TENM1: variants seen among roughly 807,000 people sequenced by gnomAD.
The protein encoded by TENM1 is teneurin-1.
Under a neutral mutation model 174.8 loss-of-function variants are expected in TENM1, and 35 were observed. The observed-to-expected ratio is 0.20, with a 90% CI of 0.15 to 0.27. The LOEUF is 0.27. Ranked by LOEUF, TENM1 falls within the 10% of genes least tolerant of loss-of-function variation. TENM1 has a pLI of 1.00. For synonymous variants in TENM1, 781 were observed against 798.7 expected (o/e 0.98, Z 0.37); for missense variants, 1,633 against 2,130.1 (o/e 0.77, Z 4.59).
chrX:124,790,986 A>G (rs1222713396), intron 3 of TENM1, among the ~76,000 whole-genome samples: 3 of 111,844 alleles, frequency 2.7e-5, no homozygotes, highest in African/African-American at 6.5e-5. Context: ...GTGACACGTT[A>G]AAGTGCTAAA....
At chrX:125,042,152 C>G in the TENM1 span, among the ~76,000 whole-genome samples, 1 of 111,185 alleles carries the variant, frequency 9.0e-6, no homozygotes, top group East Asian at 2.8e-4. Flanking sequence ...GAAAAAACTG[C>G]TTGAAAGTTG....
At chrX:124,761,463 T>G (rs1176122034) in intron 3 of TENM1, among the ~76,000 whole-genome samples, 1 of 101,719 alleles carries the variant, frequency 9.8e-6, no homozygotes, top group East Asian at 3.2e-4. Flanking sequence ...AAACACTGCA[T>G]GTTCTCACTC....
chrX:124,609,099 A>G (rs183911162), intron 11 of TENM1, among the ~76,000 whole-genome samples: 1 of 111,319 alleles, frequency 9.0e-6, no homozygotes, highest in Non-Finnish European at 1.9e-5. Flanking sequence ...CAACCATGAT[A>G]TAGGTGTAAA....
the TENM1 span, among the ~76,000 whole-genome samples, chrX:125,040,800 T>C: frequency 6.3e-5 from 7 of 111,141 alleles, no homozygotes; most frequent in South Asian, 2.3e-3. Context: ...AAGTCTGAGC[T>C]GAAGGAAAAA....
chrX:124,925,307 T>C (rs943506467), intron 1 of TENM1, among the ~76,000 whole-genome samples: 2 of 111,201 alleles, frequency 1.8e-5, no homozygotes, highest in Non-Finnish European at 3.8e-5. Context: ...TATATTAGGT[T>C]AATAAATTAC....
At chrX:124,797,651 G>A (rs1238229817) in intron 3 of TENM1, among the ~76,000 whole-genome samples, 5 of 108,773 alleles carry the variant, frequency 4.6e-5, no homozygotes, top group African/African-American at 1.7e-4. Flanking sequence ...AAAGGGATTT[G>A]GTTACTTGAT....
intron 11 of TENM1, among the ~76,000 whole-genome samples, chrX:124,594,391 C>T (rs1298826473): frequency 3.6e-5 from 4 of 111,362 alleles, no homozygotes; most frequent in Admixed American, 9.5e-5. Context: ...TCTTAGTCAC[C>T]TTGGGTTGCA....
chrX:124,516,115 C>T (rs145363952), intron 18 of TENM1, among the ~76,000 whole-genome samples: 2,210 of 111,742 alleles, frequency 0.02, 44 homozygotes, highest in African/African-American at 0.06. Context: ...ACTCCCTATT[C>T]AAAAAACAGT....
intron 3 of TENM1, among the ~76,000 whole-genome samples, chrX:124,751,121 G>T (rs2054054667): frequency 9.0e-6 from 1 of 111,323 alleles, no homozygotes; most frequent in African/African-American, 3.3e-5. Flanking sequence ...TGCTTGATGG[G>T]CTTGCTTTAA....
intron 3 of TENM1, among the ~76,000 whole-genome samples, chrX:124,815,591 A>AT (rs1167035691): frequency 9.0e-6 from 1 of 111,495 alleles, no homozygotes; most frequent in Admixed American, 9.6e-5. Context: ...AACAGATTCT[A>AT]TTTTTTTCTT....
chrX:124,630,350 T>C (rs1472119834), intron 11 of TENM1, among the ~76,000 whole-genome samples: 1 of 112,232 alleles, frequency 8.9e-6, no homozygotes, highest in Non-Finnish European at 1.9e-5. Flanking sequence ...CTATGGTTCC[T>C]GAAATGTCTT....
chrX:124,691,008 C>T (rs892804180), intron 5 of TENM1, among the ~76,000 whole-genome samples: 3 of 110,746 alleles, frequency 2.7e-5, no homozygotes, highest in African/African-American at 9.9e-5. Context: ...TATATATATC[C>T]CCAATTCTAA....
chrX:124,973,961 G>T, the TENM1 span, among the ~76,000 whole-genome samples: 4 of 111,571 alleles, frequency 3.6e-5, no homozygotes, highest in South Asian at 7.6e-4. Context: ...CCTGTCGGGG[G>T]AGTGGGAGAA....
At chrX:124,752,777 A>T (rs1282709954) in intron 3 of TENM1, among the ~76,000 whole-genome samples, 1 of 110,344 alleles carries the variant, frequency 9.1e-6, no homozygotes, top group African/African-American at 3.3e-5. Context: ...TGTTTTTCTC[A>T]GGTTTGTCAA....
chrX:124,938,924 C>T (rs1234226972), intron 1 of TENM1, among the ~76,000 whole-genome samples: 1 of 111,392 alleles, frequency 9.0e-6, no homozygotes, highest in Non-Finnish European at 1.9e-5. Flanking sequence ...AGCTGGCTGG[C>T]TAGATATGTC....
At chrX:125,041,423 C>A in the TENM1 span, among the ~76,000 whole-genome samples, 1 of 111,294 alleles carries the variant, frequency 9.0e-6, no homozygotes, top group East Asian at 2.9e-4. Flanking sequence ...TCCACAGAAC[C>A]AGTAACGAGC....
At chrX:124,644,207 A>ATATATATATATATATAAATT (rs1569361660) in intron 10 of TENM1, among the ~76,000 whole-genome samples, 37 of 102,161 alleles carry the variant, frequency 3.6e-4, no homozygotes, top group African/African-American at 1.3e-3. Context: ...AAATTTACAT[A>ATATATATATATATATAAATT]TACATATATA....
intron 1 of TENM1, among the ~76,000 whole-genome samples, chrX:124,908,638 TG>T (rs2057787416): frequency 9.0e-6 from 1 of 111,035 alleles, no homozygotes; most frequent in African/African-American, 3.3e-5. Context: ...TAAACATACG[TG>T]TGCATGTTCT....
chrX:124,861,733 A>C (rs1275969348), intron 3 of TENM1, among the ~76,000 whole-genome samples: 2 of 112,453 alleles, frequency 1.8e-5, no homozygotes, highest in Admixed American at 1.9e-4. Context: ...GTCTTATATG[A>C]ATCGACCTAT....
Sources: gnomAD v4.1 joint callset for allele counts (sites outside exome capture counted in the v4.1 genomes callset) on GRCh38, gnomAD v4.1.1 for gene constraint, MANE v1.5 for transcripts, NCBI Gene and HGNC (gene_info 2026-07-23, HGNC 2026-07-21) for gene names.